CADM2: variants seen among roughly 807,000 people sequenced by gnomAD.
The protein encoded by CADM2 is cell adhesion molecule 2.
CADM2 carries 12 observed loss-of-function variants against 49.8 expected under a neutral mutation model. That is an observed-to-expected ratio of 0.24 (90% confidence interval 0.15 to 0.39). The LOEUF (loss-of-function observed/expected upper bound fraction) is 0.39. Among genes scored for constraint, CADM2 ranks in the 10% least tolerant of loss-of-function variants. The pLI is 1.00. For synonymous variants in CADM2, 214 were observed against 175.4 expected, an observed-to-expected ratio of 1.22 and a Z score of -1.74; for missense variants, 378 against 492.3, an observed-to-expected ratio of 0.77 and a Z score of 2.20.
intron 1 of CADM2, among the ~76,000 whole-genome samples, chr3:85,019,819 A>G (rs17022300): frequency 0.08 from 12,190 of 152,110 alleles, 689 homozygotes; most frequent in Admixed American, 0.19. Context: ...AAGCAGGGAA[A>G]ATACTCCAAT....
At chr3:85,971,773 G>T (rs1438456130) in intron 8 of CADM2, among the ~76,000 whole-genome samples, 2 of 151,306 alleles carry the variant, frequency 1.3e-5, no homozygotes, top group Non-Finnish European at 3.0e-5. Context: ...ATGTAAAAAA[G>T]TATTATAAAA....
At chr3:85,628,582 C>CATATATATACATATAT (rs1376387149) in intron 1 of CADM2, among the ~76,000 whole-genome samples, 1 of 137,972 alleles carries the variant, frequency 7.2e-6, no homozygotes, top group East Asian at 2.1e-4. Flanking sequence ...TATACACACA[C>CATATATATACATATAT]ATATATATAC....
At chr3:84,996,508 T>C (rs1458486395) in intron 1 of CADM2, among the ~76,000 whole-genome samples, 1 of 152,138 alleles carries the variant, frequency 6.6e-6, no homozygotes, top group Non-Finnish European at 1.5e-5. Flanking sequence ...TTTATGTAGT[T>C]ATTTACATTG....
chr3:85,913,816 C>T (rs1717928901), intron 6 of CADM2, among the ~76,000 whole-genome samples: 1 of 151,992 alleles, frequency 6.6e-6, no homozygotes, highest in African/African-American at 2.4e-5. Context: ...CATAGGAGGG[C>T]AGTAAGGAGA....
At chr3:84,997,921 GTCTT>G (rs1288098003) in intron 1 of CADM2, among the ~76,000 whole-genome samples, 1 of 152,090 alleles carries the variant, frequency 6.6e-6, no homozygotes, top group Admixed American at 6.6e-5. Context: ...TTCCTTGATT[GTCTT>G]CCTTATGAAC....
At chr3:85,743,367 A>G (rs2062166739) in intron 2 of CADM2, among the ~76,000 whole-genome samples, 1 of 152,190 alleles carries the variant, frequency 6.6e-6, no homozygotes. Flanking sequence ...TCCTTTTCAC[A>G]GGCAACAGAA....
intron 1 of CADM2, among the ~76,000 whole-genome samples, chr3:85,299,278 C>T (rs2044037776): frequency 6.6e-6 from 1 of 151,852 alleles, no homozygotes; most frequent in South Asian, 2.1e-4. Context: ...TTAAAAGCAC[C>T]TATAAATGTA....
intron 1 of CADM2, among the ~76,000 whole-genome samples, chr3:85,433,607 G>GT (rs1352243590): frequency 6.6e-6 from 1 of 152,120 alleles, no homozygotes; most frequent in Non-Finnish European, 1.5e-5. Context: ...GATGGGTTAT[G>GT]CTGAGAGAAA....
At chr3:85,354,424 A>C (rs573568062) in intron 1 of CADM2, among the ~76,000 whole-genome samples, 3 of 151,440 alleles carry the variant, frequency 2.0e-5, no homozygotes, top group South Asian at 2.1e-4. Flanking sequence ...TAATGGGTGC[A>C]GCACACCAAC....
chr3:85,094,352 G>A (rs558862964), intron 1 of CADM2, among the ~76,000 whole-genome samples: 3 of 152,094 alleles, frequency 2.0e-5, no homozygotes, highest in African/African-American at 7.2e-5. Context: ...GTCCTTTCAC[G>A]ACGTTAAATT....
chr3:85,103,260 G>A (rs2038077783), intron 1 of CADM2, among the ~76,000 whole-genome samples: 1 of 152,080 alleles, frequency 6.6e-6, no homozygotes, highest in Admixed American at 6.6e-5. Context: ...CAGTTTCTAA[G>A]AAAAGATTCA....
intron 1 of CADM2, among the ~76,000 whole-genome samples, chr3:85,290,557 G>T (rs1403884224): frequency 1.3e-5 from 2 of 152,200 alleles, no homozygotes; most frequent in Admixed American, 1.3e-4. Flanking sequence ...GCTTTGAAGA[G>T]AGCAGTGGTT....
intron 8 of CADM2, among the ~76,000 whole-genome samples, chr3:85,980,141 T>C (rs1247389946): frequency 6.6e-6 from 1 of 151,546 alleles, no homozygotes; most frequent in East Asian, 1.9e-4. Context: ...TAAGTCTGTC[T>C]TTTTCTTATT....
intron 6 of CADM2, 109 bp downstream of exon 6, chr3:85,912,652 C>A: frequency 9.1e-7 from 1 of 1,101,816 alleles, no homozygotes; most frequent in Non-Finnish European, 1.3e-6. Flanking sequence ...CAGTAAAATC[C>A]ACGGCAAAAT....
intron 1 of CADM2, among the ~76,000 whole-genome samples, chr3:85,459,326 T>C (rs2038134583): frequency 1.3e-5 from 2 of 152,128 alleles, no homozygotes; most frequent in Admixed American, 6.5e-5. Flanking sequence ...GGAAGCAAAA[T>C]GTCCTTAGAT....
chr3:84,972,333 A>G (rs1261516311), intron 1 of CADM2, among the ~76,000 whole-genome samples: 1 of 152,238 alleles, frequency 6.6e-6, no homozygotes. Flanking sequence ...ATGCTCTTAA[A>G]ATAGCATTTC....
intron 1 of CADM2, among the ~76,000 whole-genome samples, chr3:85,718,074 G>T (rs372087251): frequency 1.3e-5 from 2 of 152,090 alleles, no homozygotes; most frequent in East Asian, 3.9e-4. Context: ...CCAGCCAGAA[G>T]TTAGTTTTTT....
At chr3:85,117,784 T>C (rs902264687) in intron 1 of CADM2, among the ~76,000 whole-genome samples, 1 of 152,216 alleles carries the variant, frequency 6.6e-6, no homozygotes, top group African/African-American at 2.4e-5. Context: ...TAAATACTTA[T>C]GAAGGATGTC....
intron 8 of CADM2, among the ~76,000 whole-genome samples, chr3:86,059,724 G>A (rs1738392429): frequency 6.6e-6 from 1 of 152,126 alleles, no homozygotes; most frequent in South Asian, 2.1e-4. Flanking sequence ...GTAGATGTGA[G>A]AGGAAATATG....
Sources: allele counts gnomAD v4.1 joint callset (sites outside exome capture counted in the v4.1 genomes callset), GRCh38; gene constraint gnomAD v4.1.1; transcripts MANE v1.5; gene names NCBI Gene and HGNC (gene_info 2026-07-23, HGNC 2026-07-21).